Variants in RYR3 observed in about 807,000 individuals in gnomAD.
RYR3 encodes brain ryanodine receptor-calcium release channel.
A neutral mutation model predicts 584.3 loss-of-function variants in RYR3; 207 were observed. The ratio of observed to expected loss-of-function variants is 0.35; its 90% CI spans 0.32 to 0.40. The LOEUF is 0.40. RYR3 is among the 10% of genes least tolerant of loss of function. RYR3 has a pLI of 1.00. For synonymous variants in RYR3, 2,416 were observed against 2,248.5 expected (o/e 1.07, Z -2.11); for missense variants, 5,616 against 6,089.2 (o/e 0.92, Z 2.59).
intron 1 of RYR3, among the ~76,000 whole-genome samples, chr15:33,337,564 A>ATT (rs34484963): frequency 0.073 from 11,011 of 151,270 alleles, 771 homozygotes; most frequent in African/African-American, 0.19. Flanking sequence ...TCCAAGTGCC[A>ATT]TTTTTTTTTG....
intron 67 of RYR3, among the ~76,000 whole-genome samples, chr15:33,798,099 T>TA (rs56746246): frequency 0.3 from 44,355 of 149,004 alleles, 6,749 homozygotes; most frequent in African/African-American, 0.37. Context: ...TTTATTTATT[T>TA]TTTTTGAGAT....
Position 33,581,619 on chromosome 15 carries a change from C to T in RYR3, c.1549C>T (p.Leu517=), listed in dbSNP as rs1010313415. The change falls in exon 14 of 104, where the codon CTG becomes TTG. Residue 517 remains leucine, a synonymous_variant. Coordinates refer to ENST00000634891, the MANE Select transcript of RYR3 (RefSeq NM_001036.6). ...EESGMAWKEI[L]NLLYKLLAAL... is the part of the protein sequence containing the mutation. ...GAGTGGCATGGCCTGGAAAGAAATTCTGAACCTCCTCTACAAATTGCTGGG... is the reference window on the plus strand; with the variant it reads ...GAGTGGCATGGCCTGGAAAGAAATTTTGAACCTCCTCTACAAATTGCTGGG... The T allele has an allele frequency of 1.9e-6, 3 of 1,613,596 alleles. No individual in the cohort carries two copies. In the African/African-American group the frequency reaches 4.0e-5, roughly 22 times the overall value.
Position 33,696,211 on chromosome 15 carries a change from C to T in RYR3, c.5861-7C>T, listed in dbSNP as rs377572165. The T allele has an allele frequency of 1.2e-6, 2 of 1,611,440 alleles. No individual in the cohort carries two copies. The highest frequency in any genetic ancestry group is 2.7e-5 in the African/African-American group (2 of 74,856). ...CACAGTCCTGCTCCCTCCTGTTGTC[C>T]TTCCAGCAACATTGAAGGAACTCAT... On this transcript the variant is annotated splice_polypyrimidine_tract_variant and splice_region_variant and intron_variant, in intron 38 of 103. Transcript: ENST00000634891.
At chr15:33,653,204 A>C (rs1182275693) in intron 32 of RYR3, among the ~76,000 whole-genome samples, 3 of 152,210 alleles carry the variant, frequency 2.0e-5, no homozygotes, top group African/African-American at 4.8e-5. Context: ...AGCCTTATCT[A>C]TTACCTGCAC....
At chr15:33,743,214 C>T (rs1302010901) in intron 52 of RYR3, among the ~76,000 whole-genome samples, 4 of 152,166 alleles carry the variant, frequency 2.6e-5, no homozygotes. Flanking sequence ...CCAGCTCAGC[C>T]TCTGTGTGGA....
intron 60 of RYR3, among the ~76,000 whole-genome samples, chr15:33,765,054 A>G (rs1241461808): frequency 2.1e-5 from 3 of 142,882 alleles, no homozygotes; most frequent in Admixed American, 7.1e-5. Flanking sequence ...AAAAAAAGAC[A>G]TCATACAAGT....
chr15:33,757,515 G>C lies in RYR3; in HGVS notation c.8624G>C (p.Cys2875Ser). ...PLVDQYFTSH[C>S]LYFLSSPLKP... Reference sequence around the variant, plus strand: ...GTTGACCAGTACTTCACCAGTCATTGCCTCTACTTCTTGTCATCCCCTCTG... The same window carrying C: ...GTTGACCAGTACTTCACCAGTCATTCCCTCTACTTCTTGTCATCCCCTCTG... Residue 2875 changes from cysteine to serine, a missense_variant, in exon 60 of 104, where the codon TGC becomes TCC. By Grantham distance (112) the Cys-to-Ser change is moderately radical. This residue lies in a region of RYR3 where 1,280 missense variants were observed against 1,426.2 expected (regional missense o/e 0.90). Coordinates refer to ENST00000634891, the MANE Select transcript of RYR3 (RefSeq NM_001036.6). The C allele has an allele frequency of 6.2e-7, 1 of 1,610,320 alleles. No homozygotes were observed. Among genetic ancestry groups the C allele is most frequent in the Non-Finnish European group, 8.5e-7 (1 of 1,178,602 alleles).
intron 1 of RYR3, among the ~76,000 whole-genome samples, chr15:33,408,444 T>C (rs984710516): frequency 6.6e-6 from 1 of 152,202 alleles, no homozygotes; most frequent in African/African-American, 2.4e-5. Flanking sequence ...CTTGCTATTG[T>C]GAATAGTGCT....
At chr15:33,401,104 A>G (rs1382817820) in intron 1 of RYR3, among the ~76,000 whole-genome samples, 1 of 152,170 alleles carries the variant, frequency 6.6e-6, no homozygotes, top group Non-Finnish European at 1.5e-5. Context: ...TAGCTGCAGC[A>G]TGGGAAGTGT....
At chr15:33,399,600 T>TG (rs900006499) in intron 1 of RYR3, among the ~76,000 whole-genome samples, 1 of 152,082 alleles carries the variant, frequency 6.6e-6, no homozygotes, top group African/African-American at 2.4e-5. Flanking sequence ...ATAGCGCCAC[T>TG]GCACTCCAGC....
At chr15:33,323,260 C>G (rs5027490) in intron 1 of RYR3, among the ~76,000 whole-genome samples, 1 of 151,956 alleles carries the variant, frequency 6.6e-6, no homozygotes, top group African/African-American at 2.4e-5. Flanking sequence ...TACAGGCACC[C>G]GCCACCATGC....
chr15:33,414,111 TCTA>T (rs2043609243), intron 1 of RYR3, among the ~76,000 whole-genome samples: 2 of 152,246 alleles, frequency 1.3e-5, no homozygotes, highest in South Asian at 4.1e-4. Flanking sequence ...AGTCCCAGAT[TCTA>T]CTTCACCCCC....
chr15:33,470,765 C>T (rs771362253), intron 1 of RYR3, among the ~76,000 whole-genome samples: 12 of 152,054 alleles, frequency 7.9e-5, no homozygotes, highest in African/African-American at 1.4e-4. Context: ...AATTTGGCAT[C>T]AGGACATGTG....
At chr15:33,382,225 G>A (rs1233913908) in intron 1 of RYR3, among the ~76,000 whole-genome samples, 1 of 151,850 alleles carries the variant, frequency 6.6e-6, no homozygotes, top group Non-Finnish European at 1.5e-5. Flanking sequence ...GATCATAAGG[G>A]ACTCGTCTGC....
intron 1 of RYR3, among the ~76,000 whole-genome samples, chr15:33,363,085 C>A (rs910385441): frequency 3.2e-4 from 48 of 152,170 alleles, no homozygotes; most frequent in African/African-American, 1.1e-3. Flanking sequence ...CTGGCATCTC[C>A]ATTTGTTGAT....
At chr15:33,688,657 A>G (rs2065193682) in intron 38 of RYR3, among the ~76,000 whole-genome samples, 1 of 152,190 alleles carries the variant, frequency 6.6e-6, no homozygotes, top group Non-Finnish European at 1.5e-5. Context: ...GAGAAATGCA[A>G]ATCAAAACCA....
chr15:33,538,867 T>A (rs1432225677), intron 5 of RYR3, among the ~76,000 whole-genome samples: 2 of 152,316 alleles, frequency 1.3e-5, no homozygotes, highest in African/African-American at 4.8e-5. Context: ...TTGCTATCAA[T>A]TTCTCACTTA....
Position 33,738,467 on chromosome 15 carries a change from T to C in RYR3, c.7533T>C (p.Tyr2511=), listed in dbSNP as rs759572897. The change falls in exon 50 of 104, where the codon TAT becomes TAC. Residue 2511 remains tyrosine (Y), a synonymous_variant. Transcript: ENST00000634891. ...CCTCCCAGCTTCTGACGAATCACTA[T>C]GAACAGTGTTGGAAGTATTACTGCC... The part of the protein sequence containing the change: ...KMPLKLLTNH[Y]EQCWKYYCLP... 2.3e-5 allele frequency: 37 copies of C among 1,613,800 alleles called. No homozygotes were observed. Among genetic ancestry groups the C allele is most frequent in the Non-Finnish European group, 3.1e-5 (37 of 1,179,794 alleles).
intron 1 of RYR3, among the ~76,000 whole-genome samples, chr15:33,410,827 T>C (rs2043353969): frequency 6.6e-6 from 1 of 152,134 alleles, no homozygotes; most frequent in African/African-American, 2.4e-5. Context: ...AGAGGTTCAA[T>C]GGACTCACAG....
Sources: gnomAD v4.1 joint callset for allele counts (sites outside exome capture counted in the v4.1 genomes callset) on GRCh38, gnomAD v4.1.1 for gene constraint, gnomAD v4.1.1 regional missense constraint, MANE v1.5 for transcripts, NCBI Gene and HGNC (gene_info 2026-07-23, HGNC 2026-07-21) for gene names.